LRRC37A2: variants seen among roughly 807,000 people sequenced by gnomAD.
LRRC37A2 encodes leucine-rich repeat-containing protein 37A2.
LRRC37A2 carries 9 observed loss-of-function variants against 68.8 expected under a neutral mutation model. The observed-to-expected ratio is 0.13, with a 90% CI of 0.08 to 0.23. The LOEUF (loss-of-function observed/expected upper bound fraction) is 0.23. LRRC37A2 is among the 10% of genes least tolerant of loss of function. The pLI is 1.00. For synonymous variants in LRRC37A2, 63 were observed against 367.6 expected (o/e 0.17, Z 9.48); for missense variants, 168 against 950.4 (o/e 0.18, Z 10.82).
the LRRC37A2 span, among the ~76,000 whole-genome samples, chr17:46,816,331 C>T: frequency 6.6e-6 from 1 of 152,072 alleles, no homozygotes; most frequent in African/African-American, 2.4e-5. Context: ...ACACACAGCA[C>T]AACCTGTCGT....
chr17:46,543,497 G>A (rs1472252035), intron 8 of LRRC37A2, among the ~76,000 whole-genome samples: 1 of 150,840 alleles, frequency 6.6e-6, no homozygotes, highest in Non-Finnish European at 1.5e-5. Flanking sequence ...ATGTGTATAC[G>A]GACCGCATAG....
At chr17:46,534,367 T>G (rs2054239134) in intron 6 of LRRC37A2, among the ~76,000 whole-genome samples, 1 of 145,454 alleles carries the variant, frequency 6.9e-6, no homozygotes, top group Non-Finnish European at 1.5e-5. Context: ...TTTGTGTCCC[T>G]GGGTACTTGA....
At chr17:46,868,107 A>G in the LRRC37A2 span, among the ~76,000 whole-genome samples, 1 of 152,206 alleles carries the variant, frequency 6.6e-6, no homozygotes, top group Non-Finnish European at 1.5e-5. Flanking sequence ...GGGCCAAAGC[A>G]GGTGCAGCCT....
At chr17:46,847,838 T>C in the LRRC37A2 span, among the ~76,000 whole-genome samples, 29,881 of 152,114 alleles carry the variant, frequency 0.2, 3,610 homozygotes, top group East Asian at 0.5. Context: ...TGAGGGTTTG[T>C]TTCAGGCAGG....
the LRRC37A2 span, among the ~76,000 whole-genome samples, chr17:47,011,740 G>C: frequency 6.6e-6 from 1 of 151,842 alleles, no homozygotes; most frequent in Admixed American, 6.6e-5. Flanking sequence ...GCCATTTTGA[G>C]CAATACAGAC....
chr17:46,981,191 G>T, the LRRC37A2 span, among the ~76,000 whole-genome samples: 1 of 152,354 alleles, frequency 6.6e-6, no homozygotes, highest in East Asian at 1.9e-4. Flanking sequence ...GCAAATTGGA[G>T]TGAAGGGATT....
At chr17:46,933,148 T>C in the LRRC37A2 span, 1 of 152,256 alleles carries the variant, frequency 6.6e-6, no homozygotes, top group East Asian at 1.9e-4. Flanking sequence ...CGTTATAATG[T>C]AGTATTCAGG....
At chr17:46,949,308 G>C in the LRRC37A2 span, 6 of 152,416 alleles carry the variant, frequency 3.9e-5, no homozygotes, top group African/African-American at 1.4e-4. Flanking sequence ...TTCTCCATGG[G>C]ACCAGGGCTT....
At chr17:46,938,874 G>A in the LRRC37A2 span, 3 of 1,573,386 alleles carry the variant, frequency 1.9e-6, no homozygotes, top group African/African-American at 1.3e-5. Context: ...TGTCTGAACT[G>A]TGAAGACACT....
chr17:46,750,640 G>A, the LRRC37A2 span, among the ~76,000 whole-genome samples: 1 of 152,172 alleles, frequency 6.6e-6, no homozygotes. Context: ...ATTCCTCAAT[G>A]TAGGCAGCTA....
At chr17:46,787,554 C>T in the LRRC37A2 span, among the ~76,000 whole-genome samples, 2 of 152,218 alleles carry the variant, frequency 1.3e-5, no homozygotes, top group East Asian at 1.9e-4. Context: ...CCAGCCAGAG[C>T]TTGTCTCTCT....
the LRRC37A2 span, among the ~76,000 whole-genome samples, chr17:47,004,925 T>C: frequency 1.3e-5 from 2 of 152,372 alleles, no homozygotes; most frequent in East Asian, 1.9e-4. Flanking sequence ...TACTGTGTTA[T>C]TACTGAAGGA....
At chr17:46,802,355 T>G in the LRRC37A2 span, among the ~76,000 whole-genome samples, 1 of 152,208 alleles carries the variant, frequency 6.6e-6, no homozygotes, top group African/African-American at 2.4e-5. Flanking sequence ...AACCTCCGCC[T>G]CCTGGGTTCA....
the LRRC37A2 span, among the ~76,000 whole-genome samples, chr17:46,765,580 G>C: frequency 6.6e-6 from 1 of 152,134 alleles, no homozygotes; most frequent in Non-Finnish European, 1.5e-5. Flanking sequence ...TGTCAGGGAA[G>C]ACAAGAGAAC....
the LRRC37A2 span, among the ~76,000 whole-genome samples, chr17:46,866,401 AGT>A: frequency 6.6e-6 from 1 of 151,266 alleles, no homozygotes; most frequent in Non-Finnish European, 1.5e-5. Flanking sequence ...TATGTGTGAG[AGT>A]GTGCATGAGT....
the LRRC37A2 span, among the ~76,000 whole-genome samples, chr17:46,681,671 C>A: frequency 9.1e-6 from 1 of 109,688 alleles, no homozygotes. Flanking sequence ...CCTCTTAGTG[C>A]TTTAAGTCTG....
the LRRC37A2 span, among the ~76,000 whole-genome samples, chr17:46,873,266 C>T: frequency 3.3e-5 from 5 of 152,130 alleles, no homozygotes; most frequent in African/African-American, 9.7e-5. Context: ...ATCAGTCCCT[C>T]CTTCCCTTCC....
At chr17:46,822,055 A>G in the LRRC37A2 span, among the ~76,000 whole-genome samples, 1 of 152,152 alleles carries the variant, frequency 6.6e-6, no homozygotes, top group Non-Finnish European at 1.5e-5. Flanking sequence ...GTAAAGGGAG[A>G]GGCGAAGCCG....
chr17:46,801,209 C>T, the LRRC37A2 span, among the ~76,000 whole-genome samples: 1 of 152,210 alleles, frequency 6.6e-6, no homozygotes, highest in African/African-American at 2.4e-5. Flanking sequence ...GGCCCATGTG[C>T]TTACCCATGT....
Sources: gnomAD v4.1 joint callset for allele counts (sites outside exome capture counted in the v4.1 genomes callset) on GRCh38, gnomAD v4.1.1 for gene constraint, MANE v1.5 for transcripts, NCBI Gene and HGNC (gene_info 2026-07-23, HGNC 2026-07-21) for gene names.